Variants in AFDN observed in about 807,000 individuals in gnomAD.
AFDN encodes the protein afadin.
Under a neutral mutation model 216.6 loss-of-function variants are expected in AFDN, and 68 were observed. The observed-to-expected ratio is 0.31, with a 90% CI of 0.26 to 0.38. AFDN has a LOEUF of 0.38. Ranked by LOEUF, AFDN falls within the 10% of genes least tolerant of loss-of-function variation. The pLI, the probability that AFDN is intolerant of heterozygous loss-of-function variation, is 1.00. For missense variants in AFDN, 2,136 were observed against 2,342.0 expected, an observed-to-expected ratio of 0.91 and a Z score of 1.82; for synonymous variants, 868 against 853.7, an observed-to-expected ratio of 1.02 and a Z score of -0.29.
chr6:167,874,368 TA>T (rs1785109593), intron 4 of AFDN, among the ~76,000 whole-genome samples: 1 of 152,236 alleles, frequency 6.6e-6, no homozygotes, highest in South Asian at 2.1e-4. Flanking sequence ...TTAATTAAAT[TA>T]TTTTTTATGA....
At position 167,872,308 on chromosome 6, in the gene AFDN, A is replaced by G; in HGVS notation, c.509A>G (p.Lys170Arg). The change falls in exon 4 of 34, where the codon AAG becomes AGG. Residue 170 changes from lysine (K) to arginine (R), a missense_variant. This residue lies in a region of AFDN where 817 missense variants were observed against 965.7 expected (regional missense o/e 0.85). Coordinates refer to ENST00000683244, the MANE Select transcript of AFDN (RefSeq NM_001386888.1). ...TLSKKEKKEK[K>R]KREKEALRQA... ...TCAAAGAAAGAAAAGAAGGAAAAAAAGAAGAGAGAAAAAGAGGCATTGCGA... is the reference window on the plus strand; with the variant it reads ...TCAAAGAAAGAAAAGAAGGAAAAAAGGAAGAGAGAAAAAGAGGCATTGCGA... The G allele has an allele frequency of 1.9e-6, 3 of 1,614,104 alleles. No individual in the cohort carries two copies. The highest frequency in any genetic ancestry group is 2.5e-6 in the Non-Finnish European group (3 of 1,179,986).
At chr6:167,909,815 T>C (rs1275647152) in intron 13 of AFDN, among the ~76,000 whole-genome samples, 1 of 152,214 alleles carries the variant, frequency 6.6e-6, no homozygotes, top group East Asian at 1.9e-4. Context: ...GCAAAACACA[T>C]GTTCCCTGGC....
chr6:167,920,124 T>G (rs929543613), intron 21 of AFDN, among the ~76,000 whole-genome samples: 1 of 151,822 alleles, frequency 6.6e-6, no homozygotes, highest in Non-Finnish European at 1.5e-5. Flanking sequence ...GAGGCCAAGG[T>G]GAGATGAGGC....
chr6:167,909,134 A>G (rs1303760995), intron 13 of AFDN, among the ~76,000 whole-genome samples: 8 of 152,148 alleles, frequency 5.3e-5, no homozygotes, highest in Non-Finnish European at 8.8e-5. Context: ...ATGGGAATGT[A>G]AGGGAGATGT....
intron 6 of AFDN, among the ~76,000 whole-genome samples, chr6:167,884,157 A>G (rs1786493316): frequency 6.6e-6 from 1 of 152,206 alleles, no homozygotes; most frequent in Non-Finnish European, 1.5e-5. Context: ...TTTCAGTCAC[A>G]TCTTCAGACC....
At chr6:167,927,813 C>T (rs1469950953) in intron 23 of AFDN, among the ~76,000 whole-genome samples, 2 of 152,074 alleles carry the variant, frequency 1.3e-5, no homozygotes, top group Non-Finnish European at 2.9e-5. Context: ...TTTAAGGGAC[C>T]AGAACTCAAA....
At chr6:167,842,679 A>G (rs17667529) in intron 1 of AFDN, among the ~76,000 whole-genome samples, 2,042 of 152,102 alleles carry the variant, frequency 0.013, 24 homozygotes, top group Non-Finnish European at 0.019. Flanking sequence ...TCATCTCACT[A>G]TGTTGACATA....
chr6:167,952,246 G>A (rs147304892), intron 30 of AFDN, 59 bp downstream of exon 30: 1 of 1,612,248 alleles, frequency 6.2e-7, no homozygotes, highest in African/African-American at 1.3e-5. Flanking sequence ...GCTTCTGCGT[G>A]TTTCCCATGG....
intron 9 of AFDN, among the ~76,000 whole-genome samples, chr6:167,896,016 C>G (rs1788198562): frequency 6.6e-6 from 1 of 152,112 alleles, no homozygotes; most frequent in African/African-American, 2.4e-5. Flanking sequence ...ACTCTGAAAT[C>G]AGAATACCTC....
chr6:167,967,900 T>G (rs1323370493), intron 32 of AFDN, among the ~76,000 whole-genome samples: 1 of 152,146 alleles, frequency 6.6e-6, no homozygotes, highest in Non-Finnish European at 1.5e-5. Flanking sequence ...GGACTGGGCT[T>G]CTTCCACTGG....
At chr6:167,902,454 G>GGTGGGGGATGTGTTCCCCTTATTT (rs544063294) in intron 12 of AFDN, 68 bp downstream of exon 12, 3 of 1,157,850 alleles carry the variant, frequency 2.6e-6, no homozygotes, top group African/African-American at 3.0e-5. Flanking sequence ...ATACAGTAGT[G>GGTGGGGGATGTGTTCCCCTTATTT]GTGGGGGATG....
chr6:167,914,099 A>G (rs1466541255), intron 16 of AFDN, 69 bp from the exon 17 acceptor site: 2 of 1,551,472 alleles, frequency 1.3e-6, no homozygotes, highest in Non-Finnish European at 1.8e-6. Flanking sequence ...GCTTTTCAAG[A>G]GCATTCCTTT....
intron 6 of AFDN, among the ~76,000 whole-genome samples, chr6:167,882,316 AAAAC>A (rs1224481851): frequency 6.6e-6 from 1 of 152,160 alleles, no homozygotes; most frequent in African/African-American, 2.4e-5. Flanking sequence ...AAAAAGAAGT[AAAAC>A]AGACAAGATA....
intron 4 of AFDN, 71 bp from the exon 5 acceptor site, chr6:167,875,264 C>T (rs947358560): frequency 1.8e-5 from 26 of 1,437,472 alleles, no homozygotes; most frequent in African/African-American, 7.1e-5. Flanking sequence ...GATTTTTGTG[C>T]GGTTGCAATG....
At chr6:167,842,865 C>CT (rs1201997489) in intron 1 of AFDN, among the ~76,000 whole-genome samples, 5 of 152,074 alleles carry the variant, frequency 3.3e-5, no homozygotes, top group African/African-American at 1.2e-4. Context: ...TGGTGGTTGT[C>CT]TTTAGCATCT....
chr6:167,897,680 C>G (rs1285679528), intron 10 of AFDN, among the ~76,000 whole-genome samples: 1 of 110,026 alleles, frequency 9.1e-6, no homozygotes, highest in Non-Finnish European at 1.7e-5. Flanking sequence ...GACAGTCTTA[C>G]TCTGTCAGCA....
Position 167,951,738 on chromosome 6 carries a change from T to G in AFDN, c.4384T>G (p.Ser1462Ala), listed in dbSNP as rs200302250. The G allele has an allele frequency of 6.2e-7, 1 of 1,614,010 alleles. No homozygotes were observed. Among genetic ancestry groups the G allele is most frequent in the Non-Finnish European group, 8.5e-7 (1 of 1,179,976 alleles). The change falls in exon 30 of 34, where the codon TCT becomes GCT. Residue 1462 changes from serine to alanine, a missense_variant. Ser to Ala is a moderately conservative substitution (Grantham distance 99). This residue lies in a region of AFDN where 981 missense variants were observed against 966.0 expected (regional missense o/e 1.02). Transcript: ENST00000683244. This position sits in a 1 kb window ranked among gnomAD's most constrained non-coding sequence, Gnocchi z 7.1. ...TCAGTCCTTAAACCCTGCTCCGTTT[T>G]CTCCCCTGACTGCACAGCAGATGAA... Reference protein sequence around the residue: ...RTQSLNPAPFSPLTAQQMKPE... With the variant: ...RTQSLNPAPFAPLTAQQMKPE...
At chr6:167,834,487 T>C (rs1474964792) in intron 1 of AFDN, among the ~76,000 whole-genome samples, 1 of 92,532 alleles carries the variant, frequency 1.1e-5, no homozygotes, top group Non-Finnish European at 2.0e-5. Context: ...TTTCGAAAGG[T>C]ATAAAACGTG....
In AFDN at chr6:167,891,171, C is replaced by T. The variant is rs146690462; in HGVS notation, c.1177+142C>T. The T allele has an allele frequency of 8.5e-4, 482 of 565,630 alleles. 5 individuals carry two copies. Among genetic ancestry groups the T allele is most frequent in the African/African-American group, 7.5e-3 (391 of 51,982 alleles). The allele number at this position is 565,630 out of a possible 1,614,324, so 35.0% of individuals were successfully genotyped here. On this transcript the variant is annotated intron_variant, in intron 8 of 33. Transcript: ENST00000683244. ...CATTTATTTTTTTAAAAGTAACTCT[C>T]ATAACATTTATTTCTCTTAAATTAT...
Sources: gnomAD v4.1 joint callset for allele counts (sites outside exome capture counted in the v4.1 genomes callset) on GRCh38, gnomAD v4.1.1 for gene constraint, gnomAD v4.1.1 regional missense constraint, Gnocchi (gnomAD v3.1) non-coding constraint, MANE v1.5 for transcripts, NCBI Gene and HGNC (gene_info 2026-07-23, HGNC 2026-07-21) for gene names.